ZAP70: variants seen among roughly 807,000 people sequenced by gnomAD.
ZAP70 encodes tyrosine-protein kinase ZAP-70.
In ZAP70, 27 loss-of-function variants were observed where a neutral mutation model predicts 65.8. The observed-to-expected ratio is 0.41, with a 90% CI of 0.30 to 0.57. ZAP70 has a LOEUF of 0.57. ZAP70 is among the 20% of genes least tolerant of loss of function. ZAP70 has a pLI of 0.28. For missense variants in ZAP70, 696 were observed against 870.5 expected (o/e 0.80, Z 2.52); for synonymous variants, 363 against 360.8 (o/e 1.01, Z -0.07).
rs140077303 is a variant in ZAP70, at chr2:97,736,282, A to G, written c.1289+826A>G. On this transcript the variant is annotated intron_variant, in intron 10 of 13. Transcript: ENST00000264972. The surrounding 1 kb of genome is among the most constrained non-coding windows in gnomAD (Gnocchi z 4.0). ...CCGGCCCTTTACTGAAAAGTTTTGC[A>G]GTTTCATTTGTGGTTCCTCATCCCC... 1.6e-3 allele frequency among the ~76,000 whole-genome samples: 246 copies of G among 152,086 alleles called. 3 individuals are homozygous for G. The East Asian group carries it at 0.033, about 20-fold the overall frequency.
chr2:97,734,207 G>A (rs1677743887), intron 8 of ZAP70: 6 of 517,346 alleles, frequency 1.2e-5, no homozygotes, highest in Admixed American at 7.8e-5. Context: ...GGACGGGCCC[G>A]GCCATAGGCG....
chr2:97,749,140 G>C, the ZAP70 span, among the ~76,000 whole-genome samples: 1 of 151,528 alleles, frequency 6.6e-6, no homozygotes, highest in African/African-American at 2.4e-5. Context: ...CTCCCGAGTA[G>C]CTGAGACTAC....
the ZAP70 span, among the ~76,000 whole-genome samples, chr2:97,754,408 C>CTTTT: frequency 6.6e-6 from 1 of 151,164 alleles, no homozygotes; most frequent in Non-Finnish European, 1.5e-5. Flanking sequence ...TTTTTCTTAT[C>CTTTT]TTTTTTTTTG....
At chr2:97,718,242 C>A (rs1165058195) in intron 2 of ZAP70, among the ~76,000 whole-genome samples, 2 of 152,172 alleles carry the variant, frequency 1.3e-5, no homozygotes, top group African/African-American at 4.8e-5. Context: ...CAGCTGAGAA[C>A]AGAAACATTT....
At chr2:97,726,906 C>CA (rs1677408400) in intron 4 of ZAP70, among the ~76,000 whole-genome samples, 1 of 152,246 alleles carries the variant, frequency 6.6e-6, no homozygotes, top group African/African-American at 2.4e-5. Flanking sequence ...CTCAAAATGA[C>CA]AGTTTATTGC....
intron 2 of ZAP70, among the ~76,000 whole-genome samples, chr2:97,720,932 G>A (rs564008896): frequency 6.6e-6 from 1 of 152,174 alleles, no homozygotes; most frequent in Non-Finnish European, 1.5e-5. Flanking sequence ...TGGACACCCA[G>A]GGCAGAGGGA....
Position 97,732,910 on chromosome 2 carries a change from A to T in ZAP70, c.591A>T (p.Thr197=). The change falls in exon 5 of 14, where the codon ACA becomes ACT. Residue 197 remains threonine, a synonymous_variant. Coordinates refer to ENST00000264972, the MANE Select transcript of ZAP70 (RefSeq NM_001079.4). ...FLLRPRKEQG[T]YALSLIYGKT... is the part of the protein sequence containing the mutation. Reference sequence around the variant, plus strand: ...TGAGGCCGCGGAAGGAGCAGGGCACATACGCCCTGTCCCTCATCTATGGGA... The same window carrying T: ...TGAGGCCGCGGAAGGAGCAGGGCACTTACGCCCTGTCCCTCATCTATGGGA... The T allele has an allele frequency of 6.2e-7, 1 of 1,614,008 alleles. No individual in the cohort carries two copies. Among genetic ancestry groups the T allele is most frequent in the Non-Finnish European group, 8.5e-7 (1 of 1,180,028 alleles).
At chr2:97,729,847 C>G (rs1301642252) in intron 4 of ZAP70, among the ~76,000 whole-genome samples, 1 of 152,004 alleles carries the variant, frequency 6.6e-6, no homozygotes, top group Non-Finnish European at 1.5e-5. Flanking sequence ...TGAACTCACA[C>G]ATCTCTTTCC....
At position 97,734,644 on chromosome 2, in the gene ZAP70, C is replaced by T; in HGVS notation, c.1014C>T (p.Leu338=). 1.2e-6 allele frequency: 2 copies of T among 1,614,228 alleles called. No individual in the cohort carries two copies. The highest frequency in any genetic ancestry group is 4.5e-5 in the East Asian group (2 of 44,890). Residue 338 remains leucine, a synonymous_variant, in exon 9 of 14, where the codon CTC becomes CTT. Transcript: ENST00000264972. The part of the protein sequence containing the change: ...KKLFLKRDNL[L]IADIELGCGN... ...TCTTCCTGAAGCGCGATAACCTCCT[C>T]ATAGCTGACATTGAACTTGGCTGCG... is the stretch of plus-strand genomic sequence containing the variant.
rs200648080 is a variant in ZAP70, at chr2:97,739,391, G to C, written c.1753G>C (p.Asp585His). 3 of 1,613,392 alleles carry C rather than the reference G, an allele frequency of 1.9e-6. No homozygotes were observed. The highest frequency in any genetic ancestry group is 2.5e-6 in the Non-Finnish European group (3 of 1,179,892). ...GCCCCACAGGTGGGAGGATCGCCCC[G>C]ACTTCCTGACCGTGGAGCAGCGCAT... is the stretch of plus-strand genomic sequence containing the variant. ...CWIYKWEDRP[D>H]FLTVEQRMRA... Residue 585 changes from aspartate (D) to histidine (H), a missense_variant, in exon 14 of 14, where the codon GAC becomes CAC. Asp to His is a moderately conservative substitution (Grantham distance 81). Around this residue, in one of 3 missense-constraint regions of ZAP70, gnomAD observed 78 missense variants for 88.6 expected, o/e 0.88. Coordinates refer to ENST00000264972, the MANE Select transcript of ZAP70 (RefSeq NM_001079.4).
At chr2:97,742,399 C>G (rs1360897296), downstream of ZAP70, among the ~76,000 whole-genome samples, 1 of 152,258 alleles carries the variant, frequency 6.6e-6, no homozygotes, top group East Asian at 1.9e-4. Flanking sequence ...CAGATGCCAC[C>G]TCTTGCTGTG....
chr2:97,747,651 G>A, the ZAP70 span, among the ~76,000 whole-genome samples: 3 of 152,096 alleles, frequency 2.0e-5, no homozygotes, highest in African/African-American at 7.2e-5. Flanking sequence ...TCTGGAATGA[G>A]AGAGTGGTGA....
downstream of ZAP70, among the ~76,000 whole-genome samples, chr2:97,743,844 T>C (rs1024689374): frequency 6.6e-6 from 1 of 152,244 alleles, no homozygotes; most frequent in Non-Finnish European, 1.5e-5. Context: ...TTGTAAGGGC[T>C]GTATATGAGA....
chr2:97,724,312 C>T lies in ZAP70; in HGVS notation c.276C>T (p.Asp92=). ...ELCEFYSRDP[D]GLPCNLRKPC... ...GCGAGTTCTACTCGCGCGACCCCGA[C>T]GGGCTGCCCTGCAACCTGCGCAAGC... is the stretch of plus-strand genomic sequence containing the variant. Residue 92 remains aspartate, a synonymous_variant, in exon 3 of 14, where the codon GAC becomes GAT. Transcript: ENST00000264972. 1 of 1,587,574 alleles carries T rather than the reference C, an allele frequency of 6.3e-7. No homozygotes were observed. The highest frequency in any genetic ancestry group is 8.6e-7 in the Non-Finnish European group (1 of 1,168,098).
At chr2:97,728,449 C>G (rs1324984772) in intron 4 of ZAP70, among the ~76,000 whole-genome samples, 6 of 152,222 alleles carry the variant, frequency 3.9e-5, no homozygotes, top group South Asian at 2.1e-4. Context: ...GAAAATTAGG[C>G]AAGGTACGCT....
chr2:97,716,917 A>G (rs778589923), intron 2 of ZAP70, among the ~76,000 whole-genome samples: 11 of 152,026 alleles, frequency 7.2e-5, no homozygotes, highest in Non-Finnish European at 1.3e-4. Flanking sequence ...TTTCCGGAGG[A>G]GGTCTGGCGA....
At position 97,739,579 on chromosome 2, in the gene ZAP70, C is replaced by T. The variant is rs1375380266; in HGVS notation, c.*81C>T. 6.5e-7 allele frequency: 1 copy of T among 1,540,582 alleles called. No homozygotes were observed. The highest frequency in any genetic ancestry group is 2.4e-5 in the East Asian group (1 of 41,474). ...CCCCAGGTCCTGCAGTCTGGCTGAGCCCTGCTTGGTTGTCTCCACACACAG... is the reference window on the plus strand; with the variant it reads ...CCCCAGGTCCTGCAGTCTGGCTGAGTCCTGCTTGGTTGTCTCCACACACAG... On this transcript the variant is annotated 3_prime_UTR_variant, in exon 14 of 14. Transcript: ENST00000264972.
Position 97,724,389 on chromosome 2 carries a change from T to G in ZAP70, c.353T>G (p.Leu118Arg). The stretch of plus-strand genomic sequence containing the variant: ...CCGCAGCCGGGGGTCTTCGACTGCC[T>G]GCGAGACGCCATGGTGCGTGACTAC... ...LEPQPGVFDC[L>R]RDAMVRDYVR... Residue 118 changes from leucine to arginine, a missense_variant, in exon 3 of 14, where the codon CTG (leucine) becomes CGG (arginine). Physicochemically the swap from Leu to Arg is moderately radical, Grantham distance 102. Transcript: ENST00000264972. 6.5e-7 allele frequency: 1 copy of G among 1,538,094 alleles called. No individual in the cohort carries two copies. Among genetic ancestry groups the G allele is most frequent in the Non-Finnish European group, 8.8e-7 (1 of 1,142,196 alleles).
Position 97,734,708 on chromosome 2 carries a change from C to T in ZAP70, c.1078C>T (p.Arg360Cys), listed in dbSNP as rs781463009. 7.4e-6 allele frequency: 12 copies of T among 1,613,634 alleles called. No individual in the cohort carries two copies. The highest frequency in any genetic ancestry group is 1.3e-5 in the African/African-American group (1 of 74,944). ...GSVRQGVYRM[R>C]KKQIDVAIKV... is the part of the protein sequence containing the mutation. ...AGTGCGCCAGGGCGTGTACCGCATG[C>T]GCAAGTATGGCCGCCCCTGCCGTGG... Residue 360 changes from arginine (R) to cysteine (C), a missense_variant, in exon 9 of 14, where the codon CGC becomes TGC. Arg to Cys is a radical substitution (Grantham distance 180). Around this residue, in one of 3 missense-constraint regions of ZAP70, gnomAD observed 551 missense variants for 630.0 expected, o/e 0.87. Transcript: ENST00000264972.
Sources: allele counts gnomAD v4.1 joint callset (sites outside exome capture counted in the v4.1 genomes callset), GRCh38; gene constraint gnomAD v4.1.1; regional missense constraint gnomAD v4.1.1; non-coding constraint Gnocchi (gnomAD v3.1); transcripts MANE v1.5; gene names NCBI Gene and HGNC (gene_info 2026-07-23, HGNC 2026-07-21).